Variants in ARRDC5 observed in about 807,000 individuals in gnomAD.
ARRDC5 encodes arrestin domain containing 5, also known as arrestin domain-containing protein 5.
Under a neutral mutation model 13.3 loss-of-function variants are expected in ARRDC5, and 12 were observed. That is an observed-to-expected ratio of 0.90 (90% CI 0.58 to 1.46). The LOEUF is 1.46. ARRDC5 is among the 40% of genes most tolerant of loss of function. The pLI, the probability that ARRDC5 is intolerant of heterozygous loss-of-function variation, is 0.00. For missense variants in ARRDC5, 406 were observed against 418.7 expected, an observed-to-expected ratio of 0.97 and a Z score of 0.26; for synonymous variants, 181 against 173.4, an observed-to-expected ratio of 1.04 and a Z score of -0.34.
At chr19:4,907,822 C>T (rs780346505), upstream of ARRDC5, among the ~76,000 whole-genome samples, 1 of 145,812 alleles carries the variant, frequency 6.9e-6, no homozygotes, top group Non-Finnish European at 1.5e-5. Flanking sequence ...AAGCGATTCT[C>T]CTGCCTCAGC....
chr19:4,909,413 G>A, the ARRDC5 span: 23 of 651,216 alleles, frequency 3.5e-5, no homozygotes, highest in African/African-American at 1.9e-5. Context: ...CCACTGCGTC[G>A]GCCAATCAGG....
Position 4,902,558 on chromosome 19 carries a change from T to A in ARRDC5, c.253+15A>T. Reference sequence around the variant, plus strand: ...TCCTGTCATGGCTAGGGGTGGCTGTTGGCCTCGTCCTTACCCTCCACTGGG... The same window carrying A: ...TCCTGTCATGGCTAGGGGTGGCTGTAGGCCTCGTCCTTACCCTCCACTGGG... On this transcript the variant is annotated intron_variant, in intron 1 of 2. Coordinates refer to ENST00000650722, the MANE Select transcript of ARRDC5 (RefSeq NM_001080523.3). 1 of 1,611,218 alleles carries A rather than the reference T, an allele frequency of 6.2e-7. No individual in the cohort carries two copies. The highest frequency in any genetic ancestry group is 8.5e-7 in the Non-Finnish European group (1 of 1,177,596).
chr19:4,896,329 A>AAAT (rs1371235915), intron 2 of ARRDC5, among the ~76,000 whole-genome samples: 2 of 73,394 alleles, frequency 2.7e-5, no homozygotes, highest in South Asian at 5.3e-4. Context: ...AAAAAAAAAA[A>AAAT]ATATATATAT....
upstream of ARRDC5, among the ~76,000 whole-genome samples, chr19:4,905,218 G>A (rs140440566): frequency 0.015 from 2,090 of 140,928 alleles, 47 homozygotes; most frequent in African/African-American, 0.053. Flanking sequence ...CCAGGTTCAC[G>A]CCATTCTCCT....
chr19:4,906,935 C>A (rs548183113), upstream of ARRDC5, among the ~76,000 whole-genome samples: 1 of 152,264 alleles, frequency 6.6e-6, no homozygotes, highest in Admixed American at 6.5e-5. Context: ...CTGCTCATAC[C>A]TGTGGTGTGG....
At chr19:4,909,878 C>T in the ARRDC5 span, 4 of 374,426 alleles carry the variant, frequency 1.1e-5, no homozygotes, top group Non-Finnish European at 1.9e-5. Flanking sequence ...GGCGGGGGGT[C>T]GAGCGCGCCG....
At chr19:4,913,856 A>C in the ARRDC5 span, among the ~76,000 whole-genome samples, 1 of 132,024 alleles carries the variant, frequency 7.6e-6, no homozygotes, top group Non-Finnish European at 1.5e-5. Context: ...TTATTGCCCA[A>C]GGTGGAGTGC....
the ARRDC5 span, among the ~76,000 whole-genome samples, chr19:4,915,272 A>T: frequency 2.0e-5 from 3 of 152,154 alleles, no homozygotes. Context: ...GCTCCCACCC[A>T]CTGCGGCATC....
upstream of ARRDC5, among the ~76,000 whole-genome samples, chr19:4,907,720 T>C (rs1385018829): frequency 6.8e-6 from 1 of 146,548 alleles, no homozygotes; most frequent in Non-Finnish European, 1.5e-5. Flanking sequence ...TTTTTTTTTT[T>C]TTTTTTTTTG....
At position 4,896,929 on chromosome 19, in the gene ARRDC5, T is replaced by C. The variant is rs1008083616; in HGVS notation, c.254-53A>G. ...AGAAGGTTCTAGAATCTTTTTTCCT[T>C]CTTCTTCTTTTTTTTTTTGCTTTAT... On this transcript the variant is annotated intron_variant, in intron 1 of 2. Transcript: ENST00000650722. The C allele has an allele frequency of 3.9e-6, 5 of 1,283,134 alleles. No individual in the cohort carries two copies. In the African/African-American group the frequency reaches 4.6e-5, roughly 12 times the overall value. The allele number at this position is 1,283,134 out of a possible 1,614,324, so 79.5% of individuals were successfully genotyped here.
chr19:4,915,324 T>A, the ARRDC5 span, among the ~76,000 whole-genome samples: 1 of 152,214 alleles, frequency 6.6e-6, no homozygotes, highest in African/African-American at 2.4e-5. Context: ...GCGGCCTCTG[T>A]TAGGGTGACT....
At chr19:4,910,594 G>T in the ARRDC5 span, 2 of 332,338 alleles carry the variant, frequency 6.0e-6, no homozygotes. Flanking sequence ...TGGTCGTGGG[G>T]AAGGAGGGAT....
intron 1 of ARRDC5, among the ~76,000 whole-genome samples, chr19:4,900,285 T>C (rs2031875504): frequency 6.6e-6 from 1 of 151,646 alleles, no homozygotes; most frequent in South Asian, 2.1e-4. Context: ...GCAGCTGTAT[T>C]TTTTGTATTT....
upstream of ARRDC5, among the ~76,000 whole-genome samples, chr19:4,905,169 T>A (rs1205535213): frequency 7.2e-6 from 1 of 138,828 alleles, no homozygotes; most frequent in Non-Finnish European, 1.5e-5. Flanking sequence ...CAGGCTGGAG[T>A]GCAGTGGTGT....
chr19:4,909,804 T>C, the ARRDC5 span: 1 of 435,092 alleles, frequency 2.3e-6, no homozygotes, highest in Non-Finnish European at 4.0e-6. Flanking sequence ...CACCTAACCC[T>C]CGGGAATCGT....
chr19:4,902,043 C>T (rs769030485), intron 1 of ARRDC5, among the ~76,000 whole-genome samples: 5 of 152,070 alleles, frequency 3.3e-5, no homozygotes, highest in Admixed American at 6.6e-5. Context: ...CGTGCCAGCA[C>T]GCCCAGCTAA....
chr19:4,907,121 T>A (rs1156383779), upstream of ARRDC5, among the ~76,000 whole-genome samples: 1 of 152,184 alleles, frequency 6.6e-6, no homozygotes, highest in Non-Finnish European at 1.5e-5. Flanking sequence ...ACACATTTAT[T>A]TATTTGTTGA....
chr19:4,911,089 CT>C, the ARRDC5 span: 1 of 1,447,984 alleles, frequency 6.9e-7, no homozygotes, highest in Non-Finnish European at 9.2e-7. Flanking sequence ...GGCCTCGCGC[CT>C]CTGCAGCCAC....
chr19:4,907,450 G>A (rs2032087473), upstream of ARRDC5, among the ~76,000 whole-genome samples: 1 of 151,846 alleles, frequency 6.6e-6, no homozygotes, highest in South Asian at 2.1e-4. Context: ...TGTATTTTTA[G>A]TAGAGATGGG....
Sources: gnomAD v4.1 joint callset for allele counts (sites outside exome capture counted in the v4.1 genomes callset) on GRCh38, gnomAD v4.1.1 for gene constraint, MANE v1.5 for transcripts, NCBI Gene and HGNC (gene_info 2026-07-23, HGNC 2026-07-21) for gene names.